CNTNAP2: variants seen among roughly 807,000 people sequenced by gnomAD.
CNTNAP2 encodes the protein contactin-associated protein-like 2.
A neutral mutation model predicts 155.2 loss-of-function variants in CNTNAP2; 98 were observed. That is an observed-to-expected ratio of 0.63 (90% confidence interval 0.54 to 0.75). CNTNAP2 has a LOEUF of 0.75. Among genes scored for constraint, CNTNAP2 ranks in the 30% least tolerant of loss-of-function variants. CNTNAP2 has a pLI of 0.00. For synonymous variants in CNTNAP2, 651 were observed against 631.2 expected (o/e 1.03, Z -0.47); for missense variants, 1,727 against 1,688.1 (o/e 1.02, Z -0.40).
intron 21 of CNTNAP2, among the ~76,000 whole-genome samples, chr7:148,278,868 T>C (rs1796925074): frequency 6.6e-6 from 1 of 152,214 alleles, no homozygotes; most frequent in Non-Finnish European, 1.5e-5. Flanking sequence ...AGCAGTGGCC[T>C]TAACAAAGTG....
chr7:146,183,283 G>T (rs1328838705), intron 1 of CNTNAP2, among the ~76,000 whole-genome samples: 1 of 152,104 alleles, frequency 6.6e-6, no homozygotes, highest in Non-Finnish European at 1.5e-5. Context: ...TAGCAGGACA[G>T]ATCTCCCACT....
intron 21 of CNTNAP2, among the ~76,000 whole-genome samples, chr7:148,305,115 T>G: frequency 6.7e-6 from 1 of 149,282 alleles, no homozygotes; most frequent in African/African-American, 2.5e-5. Context: ...CCCAGCTACT[T>G]GGGAGGCTGA....
chr7:147,274,982 G>A (rs1286124470), intron 8 of CNTNAP2, among the ~76,000 whole-genome samples: 1 of 151,854 alleles, frequency 6.6e-6, no homozygotes, highest in Non-Finnish European at 1.5e-5. Flanking sequence ...TTGGTTGTGT[G>A]TGGCTTTATT....
At chr7:146,435,641 A>G (rs987875967) in intron 1 of CNTNAP2, among the ~76,000 whole-genome samples, 2 of 152,184 alleles carry the variant, frequency 1.3e-5, no homozygotes, top group African/African-American at 2.4e-5. Context: ...ATCAGGCAGT[A>G]TATTATATAG....
chr7:148,242,395 T>C, intron 20 of CNTNAP2, among the ~76,000 whole-genome samples: 1 of 152,154 alleles, frequency 6.6e-6, no homozygotes, highest in Non-Finnish European at 1.5e-5. Context: ...GTCCTGGGAT[T>C]GAGTCTGAAG....
chr7:146,980,915 TGA>T (rs1040769640), intron 3 of CNTNAP2, among the ~76,000 whole-genome samples: 3 of 152,168 alleles, frequency 2.0e-5, no homozygotes, highest in African/African-American at 7.2e-5. Flanking sequence ...ATTCAGCTAC[TGA>T]GTGTGGAAAA....
At chr7:146,738,511 G>T (rs935513641) in intron 1 of CNTNAP2, among the ~76,000 whole-genome samples, 1 of 151,696 alleles carries the variant, frequency 6.6e-6, no homozygotes, top group Non-Finnish European at 1.5e-5. Flanking sequence ...AAGCTTTTAT[G>T]TTTCATGCGT....
chr7:146,133,375 C>G (rs1242748275), intron 1 of CNTNAP2, among the ~76,000 whole-genome samples: 1 of 152,054 alleles, frequency 6.6e-6, no homozygotes, highest in Non-Finnish European at 1.5e-5. Context: ...CCTGTTCACT[C>G]TGATGGTTGT....
At chr7:146,682,293 G>A (rs1028896164) in intron 1 of CNTNAP2, among the ~76,000 whole-genome samples, 1 of 151,990 alleles carries the variant, frequency 6.6e-6, no homozygotes, top group African/African-American at 2.4e-5. Context: ...GTTCCCTGTT[G>A]AGTGATAAGC....
intron 9 of CNTNAP2, among the ~76,000 whole-genome samples, chr7:147,331,487 G>A (rs1022666391): frequency 6.6e-6 from 1 of 152,036 alleles, no homozygotes; most frequent in Non-Finnish European, 1.5e-5. Flanking sequence ...TACAGCATTA[G>A]CCGTGGCAAC....
At chr7:146,263,402 C>G (rs1305309197) in intron 1 of CNTNAP2, among the ~76,000 whole-genome samples, 1 of 152,188 alleles carries the variant, frequency 6.6e-6, no homozygotes, top group Non-Finnish European at 1.5e-5. Context: ...AGTTCCATTT[C>G]ATTGTCTTCT....
intron 2 of CNTNAP2, among the ~76,000 whole-genome samples, chr7:146,786,625 G>T (rs1245800520): frequency 6.6e-6 from 1 of 152,084 alleles, no homozygotes; most frequent in African/African-American, 2.4e-5. Flanking sequence ...AATAAAACAT[G>T]ACATTTAAGA....
intron 3 of CNTNAP2, among the ~76,000 whole-genome samples, chr7:146,941,766 T>C (rs1797061826): frequency 6.6e-6 from 1 of 152,012 alleles, no homozygotes. Flanking sequence ...GGTATGCTAC[T>C]CTTGGTTGAC....
chr7:146,949,679 T>A (rs1797268454), intron 3 of CNTNAP2, among the ~76,000 whole-genome samples: 1 of 152,184 alleles, frequency 6.6e-6, no homozygotes, highest in Non-Finnish European at 1.5e-5. Context: ...TGAATTGAAA[T>A]TGTGATCTTC....
chr7:147,483,612 A>G (rs1490310003), intron 10 of CNTNAP2, among the ~76,000 whole-genome samples: 4 of 152,144 alleles, frequency 2.6e-5, no homozygotes, highest in Admixed American at 6.5e-5. Context: ...GCTGATGTAA[A>G]TTACTTTCAA....
At chr7:147,662,058 G>T (rs1304284722) in intron 13 of CNTNAP2, among the ~76,000 whole-genome samples, 3 of 152,086 alleles carry the variant, frequency 2.0e-5, no homozygotes, top group Non-Finnish European at 4.4e-5. Flanking sequence ...TTTAAGGTTT[G>T]CAAGAAAGGC....
chr7:146,369,171 G>A (rs1195835955), intron 1 of CNTNAP2, among the ~76,000 whole-genome samples: 1 of 151,204 alleles, frequency 6.6e-6, no homozygotes, highest in Non-Finnish European at 1.5e-5. Flanking sequence ...AGCATTACGT[G>A]TGTGTATGTG....
chr7:146,717,298 T>G (rs1362127487), intron 1 of CNTNAP2, among the ~76,000 whole-genome samples: 1 of 148,998 alleles, frequency 6.7e-6, no homozygotes, highest in Non-Finnish European at 1.5e-5. Context: ...AGGTCAGGAG[T>G]TCAAGACCAG....
At chr7:147,148,186 C>T (rs1258341221) in intron 8 of CNTNAP2, among the ~76,000 whole-genome samples, 1 of 151,456 alleles carries the variant, frequency 6.6e-6, no homozygotes. Flanking sequence ...GTCAGGAGAT[C>T]GAGACCATCC....
Sources: gnomAD v4.1 joint callset for allele counts (sites outside exome capture counted in the v4.1 genomes callset) on GRCh38, gnomAD v4.1.1 for gene constraint, MANE v1.5 for transcripts, NCBI Gene and HGNC (gene_info 2026-07-23, HGNC 2026-07-21) for gene names.